The following C11orf65 variants were observed in gnomAD, a reference collection of about 807,000 sequenced individuals.
C11orf65 encodes protein MFI.
C11orf65 carries 38 observed loss-of-function variants against 35.3 expected under a neutral mutation model. The observed-to-expected ratio is 1.08, with a 90% CI of 0.83 to 1.41. The LOEUF is 1.41. Ranked by LOEUF, C11orf65 falls within the 40% of genes most tolerant of loss-of-function variation. C11orf65 has a pLI of 0.00. For synonymous variants in C11orf65, 105 were observed against 114.4 expected (o/e 0.92, Z 0.53); for missense variants, 370 against 367.1 (o/e 1.01, Z -0.06).
At chr11:108,309,168 T>C in intron 6 of C11orf65, 1 of 629,222 alleles carries the variant, frequency 1.6e-6, no homozygotes, top group Non-Finnish European at 2.7e-6. Flanking sequence ...TCCTGTACAG[T>C]ATGTTGGGCA....
intron 2 of C11orf65, among the ~76,000 whole-genome samples, chr11:108,347,956 A>C (rs1356048856): frequency 6.6e-6 from 1 of 152,222 alleles, no homozygotes; most frequent in Non-Finnish European, 1.5e-5. Flanking sequence ...AGAAATGATG[A>C]AGATTTATAC....
chr11:108,370,479 C>T (rs1281578159), intron 2 of C11orf65, among the ~76,000 whole-genome samples: 71 of 147,250 alleles, frequency 4.8e-4, no homozygotes, highest in African/African-American at 1.4e-3. Flanking sequence ...TTTTTTTTTC[C>T]TTGCCTCATT....
intron 1 of C11orf65, 21 bp from the exon 2 acceptor site, chr11:108,461,589 A>C: frequency 7.5e-7 from 1 of 1,340,740 alleles, no homozygotes; most frequent in Non-Finnish European, 1.0e-6. Context: ...ATGAGCAAAA[A>C]GGGTACATTT....
In C11orf65 at chr11:108,444,500, G is replaced by A. The variant is rs904328069; in HGVS notation, c.82-12662C>T. 1.3e-4 allele frequency among the ~76,000 whole-genome samples: 20 copies of A among 152,174 alleles called. 1 individual carries two copies. The highest frequency in any genetic ancestry group is 3.9e-4 in the African/African-American group (16 of 41,516). On this transcript the variant is annotated intron_variant, in intron 2 of 8. Transcript: ENST00000393084. ...AACATCATCCTGACACCAAAGCCTG[G>A]CAGAGACACAACAAAAAAAGAGAAT...
chr11:108,443,643 C>G, intron 2 of C11orf65, among the ~76,000 whole-genome samples: 1 of 152,042 alleles, frequency 6.6e-6, no homozygotes, highest in Non-Finnish European at 1.5e-5. Context: ...TGACATCAAA[C>G]TAGAACTCAG....
At chr11:108,410,040 T>C (rs1019903927) in intron 3 of C11orf65, among the ~76,000 whole-genome samples, 1 of 152,214 alleles carries the variant, frequency 6.6e-6, no homozygotes, top group Non-Finnish European at 1.5e-5. Flanking sequence ...TTTTTGCTTA[T>C]GATATTTTCA....
intron 2 of C11orf65, among the ~76,000 whole-genome samples, chr11:108,352,277 A>T (rs973808070): frequency 2.0e-5 from 3 of 152,254 alleles, no homozygotes; most frequent in Admixed American, 1.3e-4. Flanking sequence ...GCTTGAAACA[A>T]ATTAAAATAT....
chr11:108,371,379 C>G (rs1019549443), intron 2 of C11orf65, among the ~76,000 whole-genome samples: 6 of 152,182 alleles, frequency 3.9e-5, no homozygotes, highest in African/African-American at 1.4e-4. Flanking sequence ...TTAAACAACT[C>G]CCCACTCCTC....
At chr11:108,367,922 A>C (rs1189514071) in intron 2 of C11orf65, 1 of 206,446 alleles carries the variant, frequency 4.8e-6, no homozygotes, top group Non-Finnish European at 9.9e-6. Flanking sequence ...CAGTAAACTT[A>C]AAATGTCTTT....
intron 6 of C11orf65, chr11:108,312,302 T>G: frequency 1.2e-6 from 1 of 814,616 alleles, no homozygotes; most frequent in East Asian, 2.5e-5. Flanking sequence ...TTTATTCTGT[T>G]TTGTTTGCCA....
intron 2 of C11orf65, among the ~76,000 whole-genome samples, chr11:108,372,504 T>C (rs1376696802): frequency 6.6e-6 from 1 of 152,248 alleles, no homozygotes; most frequent in Non-Finnish European, 1.5e-5. Flanking sequence ...ATAATTCTTA[T>C]TTCTTAAACA....
chr11:108,389,168 G>C (rs1030002246), intron 7 of C11orf65, among the ~76,000 whole-genome samples: 6 of 152,212 alleles, frequency 3.9e-5, no homozygotes, highest in African/African-American at 1.4e-4. Context: ...TTCTCTAGAG[G>C]GGACAAATGT....
chr11:108,426,230 A>C (rs1164731812), intron 3 of C11orf65, among the ~76,000 whole-genome samples: 2 of 152,224 alleles, frequency 1.3e-5, no homozygotes, highest in Admixed American at 1.3e-4. Context: ...AGATGACATG[A>C]TTGTATATTT....
intron 3 of C11orf65, among the ~76,000 whole-genome samples, chr11:108,426,113 C>T (rs1293855311): frequency 5.3e-5 from 8 of 152,176 alleles, no homozygotes; most frequent in African/African-American, 1.9e-4. Context: ...TCTCTTACCA[C>T]TCCTTTTCAA....
rs201521908 is a variant in C11orf65, at chr11:108,385,988, T to C, written c.732-13A>G. On this transcript the variant is annotated splice_polypyrimidine_tract_variant and intron_variant, in intron 7 of 8. Transcript: ENST00000393084. ...GCTGGCAATGTACCTAAGCACATTATATGAGGATTCATTAAATTTAATCGA... is the reference window on the plus strand; with the variant it reads ...GCTGGCAATGTACCTAAGCACATTACATGAGGATTCATTAAATTTAATCGA... 27 of 1,607,386 alleles carry C rather than the reference T, an allele frequency of 1.7e-5. No homozygotes were observed. The East Asian group carries it at 5.8e-4, about 35-fold the overall frequency.
chr11:108,386,079 C>A (rs1167123941), intron 7 of C11orf65, 104 bp from the exon 8 acceptor site: 1 of 906,372 alleles, frequency 1.1e-6, no homozygotes, highest in Non-Finnish European at 1.8e-6. Context: ...TTAATGATGG[C>A]ATGTTCACTA....
At chr11:108,449,914 T>C (rs953515324) in intron 2 of C11orf65, among the ~76,000 whole-genome samples, 7 of 151,682 alleles carry the variant, frequency 4.6e-5, no homozygotes, top group African/African-American at 1.7e-4. Context: ...ATCAAGAATC[T>C]ACAATGAACT....
intron 2 of C11orf65, among the ~76,000 whole-genome samples, chr11:108,376,601 C>G (rs1272913191): frequency 1.3e-5 from 2 of 151,554 alleles, no homozygotes; most frequent in Non-Finnish European, 3.0e-5. Context: ...CATTCAAAAG[C>G]TAGCAGAAGG....
chr11:108,396,838 TAAA>T (rs2092319883), intron 6 of C11orf65, among the ~76,000 whole-genome samples: 1 of 93,238 alleles, frequency 1.1e-5, no homozygotes, highest in Non-Finnish European at 2.3e-5. Flanking sequence ...CGTCTTAAAA[TAAA>T]TAAATAAATA....
Sources: gnomAD v4.1 joint callset for allele counts (sites outside exome capture counted in the v4.1 genomes callset) on GRCh38, gnomAD v4.1.1 for gene constraint, MANE v1.5 for transcripts, NCBI Gene and HGNC (gene_info 2026-07-23, HGNC 2026-07-21) for gene names.